Variants in FAM227A observed in about 807,000 individuals in gnomAD.
FAM227A encodes the protein protein FAM227A.
A neutral mutation model predicts 74.7 loss-of-function variants in FAM227A; 80 were observed. The ratio of observed to expected loss-of-function variants is 1.07; its 90% CI spans 0.89 to 1.29. The LOEUF (loss-of-function observed/expected upper bound fraction) is 1.29, where lower values mean the gene tolerates loss of function less well. FAM227A is among the 50% of genes most tolerant of loss of function. The probability of loss-of-function intolerance (pLI) is 0.00; values close to 1 mark genes in which losing one functional copy is unlikely to be tolerated. For missense variants in FAM227A, 654 were observed against 683.4 expected, an observed-to-expected ratio of 0.96 and a Z score of 0.48; for synonymous variants, 237 against 241.8, an observed-to-expected ratio of 0.98 and a Z score of 0.19.
rs530019099 is a variant in FAM227A, at chr22:38,639,936, C to A, written c.226-212G>T. On this transcript the variant is annotated intron_variant, in intron 3 of 16. Transcript: ENST00000535113. Reference sequence around the variant, plus strand: ...GTGTCCCCACTGTCTCACACTGCCCCTTCTTCTAGGAGTATGTGATTTAGA... The same window carrying A: ...GTGTCCCCACTGTCTCACACTGCCCATTCTTCTAGGAGTATGTGATTTAGA... Among the ~76,000 whole-genome samples, 29 of 152,256 alleles carry A rather than the reference C, an allele frequency of 1.9e-4. No individual in the cohort carries two copies. The South Asian group carries it at 2.7e-3, about 14-fold the overall frequency.
At chr22:38,613,278 ATC>A (rs1787612101) in intron 11 of FAM227A, among the ~76,000 whole-genome samples, 1 of 85,410 alleles carries the variant, frequency 1.2e-5, no homozygotes, top group Non-Finnish European at 2.1e-5. Context: ...TATATTATAT[ATC>A]ATATATAATA....
chr22:38,653,066 G>A lies in FAM227A; in HGVS notation c.-94-2804C>T, dbSNP rs374795517. On this transcript the variant is annotated intron_variant, in intron 1 of 16. Transcript: ENST00000535113. Reference sequence around the variant, plus strand: ...TGAGAGAAGCTTGTCTGTATTTACAGCCACTCCCCATTCCTCACATGACTG... The same window carrying A: ...TGAGAGAAGCTTGTCTGTATTTACAACCACTCCCCATTCCTCACATGACTG... Among the ~76,000 whole-genome samples the A allele has an allele frequency of 2.0e-5, 3 of 152,020 alleles. No individual in the cohort carries two copies. The East Asian group carries it at 5.8e-4, about 29-fold the overall frequency.
chr22:38,621,997 T>C (rs1159663385), intron 10 of FAM227A, among the ~76,000 whole-genome samples: 3 of 151,872 alleles, frequency 2.0e-5, no homozygotes, highest in Admixed American at 1.3e-4. Flanking sequence ...AGAGGTGAGG[T>C]TGGAGGTGGA....
chr22:38,627,658 G>T (rs992577076), intron 8 of FAM227A, among the ~76,000 whole-genome samples: 8 of 151,894 alleles, frequency 5.3e-5, no homozygotes, highest in African/African-American at 1.9e-4. Flanking sequence ...AGGCTGTAGT[G>T]CAATGCTGCA....
At chr22:38,591,062 C>T (rs746978767) in intron 16 of FAM227A, among the ~76,000 whole-genome samples, 1 of 152,168 alleles carries the variant, frequency 6.6e-6, no homozygotes, top group East Asian at 1.9e-4. Context: ...GGATTACAGA[C>T]GTGAGCCACA....
At chr22:38,592,729 A>T (rs527238050) in intron 15 of FAM227A, among the ~76,000 whole-genome samples, 1 of 152,356 alleles carries the variant, frequency 6.6e-6, no homozygotes, top group East Asian at 1.9e-4. Context: ...GAGAAAAGAA[A>T]TTGTAATAAA....
intron 6 of FAM227A, among the ~76,000 whole-genome samples, chr22:38,634,723 G>T (rs376783786): frequency 6.6e-6 from 1 of 152,076 alleles, no homozygotes; most frequent in Non-Finnish European, 1.5e-5. Context: ...TGCCTCTCCC[G>T]AGGAAAGCAG....
chr22:38,599,690 CCT>C, intron 14 of FAM227A, 72 bp downstream of exon 14: 5 of 1,424,718 alleles, frequency 3.5e-6, no homozygotes, highest in Non-Finnish European at 3.7e-6. Context: ...GGTGCCATTC[CCT>C]GACCTTTGCT....
In FAM227A at chr22:38,650,111, C is replaced by G. The variant is rs945563765; in HGVS notation, c.58G>C (p.Val20Leu). The change falls in exon 2 of 17, where the codon GTG becomes CTG. Residue 20 changes from valine to leucine, a missense_variant. By Grantham distance (32) the Val-to-Leu change is conservative. Coordinates refer to ENST00000535113, the MANE Select transcript of FAM227A (RefSeq NM_001013647.2). Reference protein sequence around the residue: ...INLTTLPMIPVDEHLAVSLVA... With the variant: ...INLTTLPMIPLDEHLAVSLVA... Reference sequence around the variant, plus strand: ...AGCGAGACAGCCAGGTGCTCATCCACTGGTATCATAGGTAGGGTGGTGAGG... The same window carrying G: ...AGCGAGACAGCCAGGTGCTCATCCAGTGGTATCATAGGTAGGGTGGTGAGG... 5 of 1,551,810 alleles carry G rather than the reference C, an allele frequency of 3.2e-6. No individual in the cohort carries two copies. The African/African-American group carries it at 6.8e-5, about 21-fold the overall frequency.
intron 6 of FAM227A, among the ~76,000 whole-genome samples, chr22:38,635,335 G>A (rs1184441591): frequency 1.3e-5 from 2 of 151,856 alleles, no homozygotes; most frequent in Non-Finnish European, 2.9e-5. Context: ...ACTACAGGTA[G>A]AACAGACTGA....
chr22:38,639,871 G>A, intron 3 of FAM227A, 147 bp from the exon 4 acceptor site: 1 of 654,990 alleles, frequency 1.5e-6, no homozygotes, highest in Admixed American at 2.5e-5. Context: ...CCAGGTGGTA[G>A]GTCCTGGTGG....
At chr22:38,628,787 G>GA in intron 7 of FAM227A, 47 bp downstream of exon 7, 1 of 1,141,746 alleles carries the variant, frequency 8.8e-7, no homozygotes, top group East Asian at 2.6e-5. Flanking sequence ...TTGTTCTGTA[G>GA]AAAAATAACT....
intron 10 of FAM227A, 84 bp downstream of exon 10, chr22:38,623,088 T>G: frequency 1.0e-6 from 1 of 955,580 alleles, no homozygotes; most frequent in Non-Finnish European, 1.6e-6. Context: ...AGGACATCAA[T>G]GCTAAGGCCT....
chr22:38,597,107 A>T, intron 15 of FAM227A, 97 bp downstream of exon 15: 1 of 1,151,286 alleles, frequency 8.7e-7, no homozygotes, highest in East Asian at 2.6e-5. Context: ...GTTACAGGAA[A>T]CCCCCCTGCC....
chr22:38,647,149 AAAAATAAAT>A (rs1383194525), intron 2 of FAM227A, among the ~76,000 whole-genome samples: 1 of 127,172 alleles, frequency 7.9e-6, no homozygotes, highest in Non-Finnish European at 1.8e-5. Context: ...ACTCCATCTC[AAAAATAAAT>A]AAAATAAAAC....
intron 13 of FAM227A, among the ~76,000 whole-genome samples, chr22:38,603,129 C>T (rs1319840137): frequency 1.3e-5 from 2 of 152,204 alleles, no homozygotes; most frequent in African/African-American, 4.8e-5. Context: ...CCACCTCGAC[C>T]TCCCAAAGTG....
chr22:38,624,884 G>A (rs1569218208), intron 9 of FAM227A, among the ~76,000 whole-genome samples: 2 of 151,230 alleles, frequency 1.3e-5, no homozygotes, highest in African/African-American at 4.9e-5. Context: ...AAATCATAGC[G>A]AGACTACACT....
rs1218863327 is a variant in FAM227A, at chr22:38,582,096, C to T, written c.*4029G>A. On this transcript the variant is annotated 3_prime_UTR_variant, in exon 17 of 17. Transcript: ENST00000535113. ...AGTATAATTGACATATGAGAAACTGCACACATTTAAAGTGTATTTAGGTGT... is the reference window on the plus strand; with the variant it reads ...AGTATAATTGACATATGAGAAACTGTACACATTTAAAGTGTATTTAGGTGT... The T allele has an allele frequency of 9.5e-6, 4 of 419,558 alleles. No homozygotes were observed. The highest frequency in any genetic ancestry group is 4.8e-5 in the South Asian group (1 of 20,938). 26.0% of individuals were successfully genotyped at this position (419,558 alleles called of 1,614,324 possible).
At chr22:38,639,457 C>A (rs1388923199) in intron 4 of FAM227A, among the ~76,000 whole-genome samples, 198 bp downstream of exon 4, 3 of 151,456 alleles carry the variant, frequency 2.0e-5, no homozygotes, top group African/African-American at 7.3e-5. Flanking sequence ...GCACCTGGTG[C>A]CACATGTAGG....
Sources: gnomAD v4.1 joint callset for allele counts (sites outside exome capture counted in the v4.1 genomes callset) on GRCh38, gnomAD v4.1.1 for gene constraint, MANE v1.5 for transcripts, NCBI Gene and HGNC (gene_info 2026-07-23, HGNC 2026-07-21) for gene names.